Variants in EML6 observed in about 807,000 individuals in gnomAD.
EML6 encodes EMAP like 6, also known as echinoderm microtubule-associated protein-like 6.
A neutral mutation model predicts 240.1 loss-of-function variants in EML6; 154 were observed. The ratio of observed to expected loss-of-function variants is 0.64; its 90% CI spans 0.56 to 0.73. The LOEUF (loss-of-function observed/expected upper bound fraction) is 0.73, where lower values mean the gene tolerates loss of function less well. Among genes scored for constraint, EML6 ranks in the 30% least tolerant of loss-of-function variants. The pLI, the probability that EML6 is intolerant of heterozygous loss-of-function variation, is 0.00. For missense variants in EML6, 2,964 were observed against 2,474.6 expected (o/e 1.20, Z -4.20); for synonymous variants, 1,148 against 899.0 (o/e 1.28, Z -4.95).
intron 2 of EML6, among the ~76,000 whole-genome samples, chr2:54,731,706 A>C (rs1444751276): frequency 1.3e-5 from 2 of 152,128 alleles, no homozygotes; most frequent in Non-Finnish European, 2.9e-5. Context: ...GCGCTGAACT[A>C]TACTATCTTA....
intron 2 of EML6, 57 bp from the exon 3 acceptor site, chr2:54,813,175 A>G (rs1001422459): frequency 2.4e-5 from 30 of 1,243,848 alleles, no homozygotes; most frequent in Non-Finnish European, 3.2e-5. Context: ...TTTGGATAAA[A>G]GGTGATCAGT....
intron 7 of EML6, among the ~76,000 whole-genome samples, chr2:54,843,538 G>A (rs773359407): frequency 4.6e-5 from 7 of 152,066 alleles, no homozygotes; most frequent in Non-Finnish European, 8.8e-5. Context: ...AACATCCAGC[G>A]CTTGTAAGAA....
At chr2:54,936,962 G>A (rs1675165995) in intron 28 of EML6, among the ~76,000 whole-genome samples, 1 of 121,316 alleles carries the variant, frequency 8.2e-6, no homozygotes, top group Admixed American at 1.0e-4. Context: ...AAACGGTCAT[G>A]TCTCTCTTTT....
intron 11 of EML6, among the ~76,000 whole-genome samples, chr2:54,854,556 G>A (rs141127652): frequency 5.0e-4 from 76 of 152,278 alleles, no homozygotes; most frequent in Admixed American, 7.8e-4. Flanking sequence ...CTGAAAATCC[G>A]ATCTTAGAAA....
intron 13 of EML6, among the ~76,000 whole-genome samples, chr2:54,864,830 G>T (rs548876749): frequency 6.6e-6 from 1 of 152,226 alleles, no homozygotes; most frequent in South Asian, 2.1e-4. Flanking sequence ...CATTAAATTG[G>T]AATATTTTTC....
chr2:54,906,850 C>T (rs758111660), intron 24 of EML6, among the ~76,000 whole-genome samples: 2 of 152,202 alleles, frequency 1.3e-5, no homozygotes, highest in African/African-American at 4.8e-5. Flanking sequence ...GCCTAGCTTT[C>T]ACAGCAGGGG....
chr2:54,811,824 T>C (rs879311148), intron 2 of EML6, among the ~76,000 whole-genome samples: 2 of 152,228 alleles, frequency 1.3e-5, no homozygotes, highest in Non-Finnish European at 2.9e-5. Flanking sequence ...TCCTTTCTTA[T>C]TGATAATCTC....
chr2:54,816,926 TGGG>T (rs1558574653), intron 4 of EML6, 41 bp downstream of exon 4: 4 of 1,279,238 alleles, frequency 3.1e-6, no homozygotes, highest in Admixed American at 2.0e-5. Context: ...TTTCAGAACT[TGGG>T]GGGACTTGTG....
At chr2:54,846,816 C>A (rs570367836) in intron 8 of EML6, among the ~76,000 whole-genome samples, 1 of 151,852 alleles carries the variant, frequency 6.6e-6, no homozygotes, top group East Asian at 1.9e-4. Flanking sequence ...ATAATGGCAT[C>A]TTATCCTGTA....
chr2:54,839,841 G>C (rs1425395598), intron 7 of EML6, among the ~76,000 whole-genome samples: 1 of 88,224 alleles, frequency 1.1e-5, no homozygotes, highest in Non-Finnish European at 2.1e-5. Context: ...CATTAGTCTG[G>C]GCTGAGTTGG....
chr2:54,908,857 C>T (rs1435355633), intron 24 of EML6, among the ~76,000 whole-genome samples: 4 of 152,086 alleles, frequency 2.6e-5, no homozygotes, highest in African/African-American at 9.7e-5. Flanking sequence ...CCTCCAGGAT[C>T]AACATCTGCC....
chr2:54,847,722 A>C, intron 9 of EML6, 99 bp downstream of exon 9: 1 of 1,326,386 alleles, frequency 7.5e-7, no homozygotes, highest in Admixed American at 2.2e-5. Context: ...GGAAAAATCC[A>C]TTTAGCCATT....
chr2:54,802,867 T>TA (rs1670247657), intron 2 of EML6, among the ~76,000 whole-genome samples: 1 of 152,120 alleles, frequency 6.6e-6, no homozygotes, highest in South Asian at 2.1e-4. Flanking sequence ...CATGGAATCT[T>TA]AAAAAGGTTT....
chr2:54,911,297 G>A (rs187354804), intron 25 of EML6, among the ~76,000 whole-genome samples: 1 of 152,258 alleles, frequency 6.6e-6, no homozygotes, highest in East Asian at 1.9e-4. Flanking sequence ...GAATAAGCTA[G>A]CAATTTGGAT....
chr2:54,756,896 C>T (rs902386113), intron 2 of EML6, among the ~76,000 whole-genome samples: 1 of 151,988 alleles, frequency 6.6e-6, no homozygotes, highest in African/African-American at 2.4e-5. Flanking sequence ...GCTCTTTCTT[C>T]TTCAAAGCTT....
Position 54,903,494 on chromosome 2 carries a change from A to C in EML6, c.3401A>C (p.Asp1134Ala), listed in dbSNP as rs553977313. The change falls in exon 24 of 42, where the codon GAC (aspartate) becomes GCC (alanine). Residue 1134 changes from aspartate to alanine, a missense_variant. Physicochemically the swap from Asp to Ala is moderately radical, Grantham distance 126. Coordinates refer to ENST00000356458, the MANE Select transcript of EML6 (RefSeq NM_001039753.4). ...AGTTATATTACACACATTGACTGGG[A>C]CTCTAGAGGTAAAGTATGTTGTGGC... ...ASSYITHIDW[D>A]SRGKLLQVNS... is the part of the protein sequence containing the mutation. 1 of 1,548,216 alleles carries C rather than the reference A, an allele frequency of 6.5e-7. No individual in the cohort carries two copies. Among genetic ancestry groups the C allele is most frequent in the Non-Finnish European group, 8.7e-7 (1 of 1,145,956 alleles).
At chr2:54,850,678 A>G (rs1010680091) in intron 10 of EML6, among the ~76,000 whole-genome samples, 1 of 152,242 alleles carries the variant, frequency 6.6e-6, no homozygotes, top group Non-Finnish European at 1.5e-5. Context: ...ACCATTTTAC[A>G]CTATTTAGAC....
At chr2:54,880,563 A>G (rs748449601) in intron 17 of EML6, 1 of 152,246 alleles carries the variant, frequency 6.6e-6, no homozygotes, top group African/African-American at 2.4e-5. Context: ...GAGGACTCCA[A>G]CTGACCATCT....
intron 17 of EML6, chr2:54,879,921 C>G (rs983397899): frequency 3.2e-6 from 1 of 307,834 alleles, no homozygotes; most frequent in Non-Finnish European, 5.9e-6. Context: ...CAAAGCACTT[C>G]AGCAATAGAA....
Sources: gnomAD v4.1 joint callset for allele counts (sites outside exome capture counted in the v4.1 genomes callset) on GRCh38, gnomAD v4.1.1 for gene constraint, MANE v1.5 for transcripts, NCBI Gene and HGNC (gene_info 2026-07-23, HGNC 2026-07-21) for gene names.